The following CEP83 variants were observed in gnomAD, a reference collection of about 807,000 sequenced individuals.
CEP83 encodes the protein centrosomal protein 83.
Under a neutral mutation model 101.9 loss-of-function variants are expected in CEP83, and 70 were observed. The observed-to-expected ratio is 0.69, with a 90% confidence interval of 0.57 to 0.84. The LOEUF (loss-of-function observed/expected upper bound fraction) is 0.84, where lower values mean the gene tolerates loss of function less well. CEP83 is among the 40% of genes least tolerant of loss of function. The pLI, the probability that CEP83 is intolerant of heterozygous loss-of-function variation, is 0.00. For synonymous variants in CEP83, 264 were observed against 267.9 expected (o/e 0.99, Z 0.14); for missense variants, 715 against 787.2 (o/e 0.91, Z 1.10).
chr12:94,394,668 T>C (rs2062769888), intron 6 of CEP83, among the ~76,000 whole-genome samples: 1 of 152,098 alleles, frequency 6.6e-6, no homozygotes, highest in African/African-American at 2.4e-5. Flanking sequence ...CAAAAGAAAT[T>C]ACCATCAGAG....
the CEP83 span, chr12:94,279,928 C>A: frequency 1.8e-6 from 1 of 559,406 alleles, no homozygotes; most frequent in Non-Finnish European, 3.3e-6. Context: ...AGATTGCAGG[C>A]CCTGAGACTG....
At chr12:94,337,886 C>T (rs1456259542) in intron 11 of CEP83, among the ~76,000 whole-genome samples, 1 of 151,916 alleles carries the variant, frequency 6.6e-6, no homozygotes, top group Non-Finnish European at 1.5e-5. Flanking sequence ...GATGAAGGTA[C>T]CGGAATTATA....
downstream of CEP83, chr12:94,305,206 G>T (rs766577937): frequency 6.2e-7 from 1 of 1,609,338 alleles, no homozygotes; most frequent in Middle Eastern, 1.7e-4. Context: ...GAAAGAGAAC[G>T]AGGGCTGGAA....
the CEP83 span, among the ~76,000 whole-genome samples, chr12:94,266,167 A>T: frequency 6.6e-5 from 10 of 152,146 alleles, no homozygotes; most frequent in Non-Finnish European, 1.0e-4. Flanking sequence ...TCTGGGAAGA[A>T]TTCATTCCCT....
At chr12:94,407,181 C>A (rs891359645) in intron 4 of CEP83, among the ~76,000 whole-genome samples, 3 of 152,072 alleles carry the variant, frequency 2.0e-5, no homozygotes, top group African/African-American at 7.2e-5. Context: ...AATTAAGAGT[C>A]TCCAAAGGAG....
chr12:94,389,722 G>A (rs1319205959), intron 6 of CEP83, among the ~76,000 whole-genome samples: 1 of 152,172 alleles, frequency 6.6e-6, no homozygotes, highest in Non-Finnish European at 1.5e-5. Context: ...CTGGCCAAGG[G>A]AAGCTGTAAC....
At chr12:94,317,280 AT>A (rs1412685964) in intron 14 of CEP83, among the ~76,000 whole-genome samples, 1 of 151,510 alleles carries the variant, frequency 6.6e-6, no homozygotes, top group African/African-American at 2.4e-5. Flanking sequence ...TATCCTGTAA[AT>A]TTAAGTTCTT....
intron 6 of CEP83, among the ~76,000 whole-genome samples, chr12:94,392,227 C>G (rs964380525): frequency 7.2e-5 from 11 of 152,098 alleles, no homozygotes; most frequent in African/African-American, 2.7e-4. Context: ...TAAAATTGAC[C>G]ATATAATTGA....
chr12:94,405,599 C>A (rs1295721541), intron 4 of CEP83, among the ~76,000 whole-genome samples: 1 of 152,136 alleles, frequency 6.6e-6, no homozygotes, highest in African/African-American at 2.4e-5. Context: ...AGAATAAGAG[C>A]CCAGATTCGC....
At position 94,317,534 on chromosome 12, in the gene CEP83, T is replaced by C. The variant is rs189556086; in HGVS notation, c.1708-4517A>G. Among the ~76,000 whole-genome samples the C allele has an allele frequency of 2.4e-3, 364 of 152,320 alleles. 2 individuals carry two copies. Among genetic ancestry groups the C allele is most frequent in the African/African-American group, 8.4e-3 (348 of 41,572 alleles). On this transcript the variant is annotated intron_variant, in intron 14 of 16. Coordinates refer to ENST00000397809, the MANE Select transcript of CEP83 (RefSeq NM_016122.3). ...ATTGCCTAGGTTGTCCTCCAGTGTT[T>C]TTATAGTTTTGGATTTTACATTTAA...
At chr12:94,372,153 T>C (rs920850991) in intron 8 of CEP83, among the ~76,000 whole-genome samples, 45 of 152,004 alleles carry the variant, frequency 3.0e-4, no homozygotes, top group African/African-American at 1.0e-3. Context: ...TTTGTATTTT[T>C]AGTAGAGATG....
At chr12:94,395,301 T>C (rs2062815768) in intron 6 of CEP83, among the ~76,000 whole-genome samples, 1 of 151,880 alleles carries the variant, frequency 6.6e-6, no homozygotes, top group East Asian at 1.9e-4. Flanking sequence ...AACCTACACG[T>C]TGTGCACATG....
chr12:94,318,727 CAT>C (rs1971116689), intron 14 of CEP83, among the ~76,000 whole-genome samples: 1 of 152,102 alleles, frequency 6.6e-6, no homozygotes, highest in African/African-American at 2.4e-5. Context: ...TTGATTTGCA[CAT>C]GTTGAATCAA....
chr12:94,323,883 G>C (rs532384300), intron 14 of CEP83, among the ~76,000 whole-genome samples: 1 of 152,282 alleles, frequency 6.6e-6, no homozygotes, highest in East Asian at 1.9e-4. Flanking sequence ...TTTGGCAAAA[G>C]TTTTTATCAT....
At chr12:94,406,367 C>T (rs541541249) in intron 4 of CEP83, among the ~76,000 whole-genome samples, 8 of 151,710 alleles carry the variant, frequency 5.3e-5, no homozygotes, top group South Asian at 4.2e-4. Context: ...ACAACAACAA[C>T]AACAACAAAA....
At chr12:94,354,592 A>C (rs2060356895) in intron 11 of CEP83, among the ~76,000 whole-genome samples, 2 of 152,188 alleles carry the variant, frequency 1.3e-5, no homozygotes, top group South Asian at 4.1e-4. Flanking sequence ...TATATCAAGT[A>C]TATTTTCTGA....
chr12:94,350,546 G>C (rs1254600368), intron 11 of CEP83, among the ~76,000 whole-genome samples: 1 of 152,078 alleles, frequency 6.6e-6, no homozygotes, highest in Non-Finnish European at 1.5e-5. Flanking sequence ...TGGGGGAAAG[G>C]CTTCATGGAA....
the CEP83 span, among the ~76,000 whole-genome samples, chr12:94,271,566 A>G: frequency 6.6e-6 from 1 of 152,226 alleles, no homozygotes; most frequent in Non-Finnish European, 1.5e-5. Flanking sequence ...CTTGGGTTTG[A>G]ATCTGGGCTC....
At chr12:94,279,664 G>A in the CEP83 span, 1 of 1,612,776 alleles carries the variant, frequency 6.2e-7, no homozygotes, top group South Asian at 1.1e-5. Flanking sequence ...GGCGGTGCGG[G>A]AGCTATGTGG....
Sources: gnomAD v4.1 joint callset for allele counts (sites outside exome capture counted in the v4.1 genomes callset) on GRCh38, gnomAD v4.1.1 for gene constraint, MANE v1.5 for transcripts, NCBI Gene and HGNC (gene_info 2026-07-23, HGNC 2026-07-21) for gene names.